TMED2: variants seen among roughly 807,000 people sequenced by gnomAD.
TMED2 encodes transmembrane p24 trafficking protein 2, also known as transmembrane emp24 domain-containing protein 2.
Under a neutral mutation model 17.5 loss-of-function variants are expected in TMED2, and 3 were observed. The observed-to-expected ratio is 0.17, with a 90% CI of 0.08 to 0.44. TMED2 has a LOEUF of 0.44. Among genes scored for constraint, TMED2 ranks in the 20% least tolerant of loss-of-function variants. TMED2 has a pLI of 0.99. For synonymous variants in TMED2, 95 were observed against 91.0 expected (o/e 1.04, Z -0.25); for missense variants, 149 against 254.8 (o/e 0.58, Z 2.83).
At chr12:123,592,989 A>C (rs1192434562) in intron 3 of TMED2, among the ~76,000 whole-genome samples, 5 of 151,980 alleles carry the variant, frequency 3.3e-5, no homozygotes, top group Non-Finnish European at 7.4e-5. Flanking sequence ...GCGAATAACG[A>C]GGTCAGTAGT....
At chr12:123,591,697 A>C (rs1462667520) in intron 3 of TMED2, among the ~76,000 whole-genome samples, 1 of 151,594 alleles carries the variant, frequency 6.6e-6, no homozygotes, top group Non-Finnish European at 1.5e-5. Flanking sequence ...CAGGAGAATC[A>C]CTTGAACCCC....
At chr12:123,586,406 A>G (rs1229272932) in intron 1 of TMED2, 3 of 150,584 alleles carry the variant, frequency 2.0e-5, no homozygotes, top group African/African-American at 7.7e-5. Flanking sequence ...GCTGGAGTGC[A>G]GTGGCACGAT....
At chr12:123,590,983 A>G (rs1446946066) in intron 3 of TMED2, among the ~76,000 whole-genome samples, 1 of 150,964 alleles carries the variant, frequency 6.6e-6, no homozygotes, top group Non-Finnish European at 1.5e-5. Flanking sequence ...ACTCTGTCTC[A>G]GGGAAAAAAA....
At chr12:123,584,904 G>A in intron 1 of TMED2, 88 bp downstream of exon 1, 2 of 1,520,202 alleles carry the variant, frequency 1.3e-6, no homozygotes, top group East Asian at 2.3e-5. Flanking sequence ...GCCTGTGTGG[G>A]GAGTGGGCTT....
intron 3 of TMED2, among the ~76,000 whole-genome samples, chr12:123,596,186 CT>C (rs1363449211): frequency 6.6e-6 from 1 of 152,126 alleles, no homozygotes; most frequent in African/African-American, 2.4e-5. Flanking sequence ...TGCAACCATT[CT>C]GTTTTTTACT....
At chr12:123,596,108 G>T (rs1953429137) in intron 3 of TMED2, among the ~76,000 whole-genome samples, 1 of 152,194 alleles carries the variant, frequency 6.6e-6, no homozygotes, top group African/African-American at 2.4e-5. Flanking sequence ...ACTTCACTTA[G>T]AAATTTTCAG....
intron 2 of TMED2, among the ~76,000 whole-genome samples, chr12:123,587,286 C>G (rs1392097453): frequency 2.6e-5 from 4 of 152,084 alleles, no homozygotes; most frequent in African/African-American, 9.7e-5. Context: ...TGCCACCATG[C>G]CCGGCTAATT....
At chr12:123,587,041 C>T (rs1953353199) in intron 2 of TMED2, 102 bp downstream of exon 2, 2 of 1,142,862 alleles carry the variant, frequency 1.7e-6, no homozygotes, top group Non-Finnish European at 2.3e-6. Flanking sequence ...TTTTAAATTT[C>T]TTAACCAAAA....
rs1230447417 is a variant in TMED2 at position 123,584,631 on chromosome 12, C to T, written c.-6C>T. 3.1e-6 allele frequency: 5 copies of T among 1,609,112 alleles called. No individual in the cohort carries two copies. The highest frequency in any genetic ancestry group is 4.5e-5 in the East Asian group (2 of 44,834). ...TCCGGGTCCTGGCTTCGGCCTCAGC[C>T]CCACCATGGTGACGCTTGCTGAACT... On this transcript the variant is annotated 5_prime_UTR_variant, in exon 1 of 4. Transcript: ENST00000262225.
At chr12:123,585,094 G>A in intron 1 of TMED2, 1 of 401,954 alleles carries the variant, frequency 2.5e-6, no homozygotes, top group Non-Finnish European at 4.6e-6. Flanking sequence ...GTTCCTGTTG[G>A]AACCTCTCGC....
chr12:123,590,197 C>T (rs146936648), intron 2 of TMED2, 145 bp from the exon 3 acceptor site: 9 of 456,618 alleles, frequency 2.0e-5, no homozygotes, highest in African/African-American at 4.2e-5. Context: ...GCAGGAGAAT[C>T]GCTTCAGCCT....
Position 123,596,827 on chromosome 12 carries a change from T to C in TMED2, c.*98T>C. 3 of 1,382,596 alleles carry C rather than the reference T, an allele frequency of 2.2e-6. No homozygotes were observed. Among genetic ancestry groups the C allele is most frequent in the Non-Finnish European group, 2.9e-6 (3 of 1,047,736 alleles). 85.6% of individuals were successfully genotyped at this position (1,382,596 alleles called of 1,614,324 possible). A position where few individuals can be genotyped will look rare whatever the true frequency, so the allele number is the denominator to read the frequency against. ...GTTTCTCCATTTTTATTTTCTGAAC[T>C]GTACATTCACAACTTATGTTTCTTT... is the stretch of plus-strand genomic sequence containing the variant. On this transcript the variant is annotated 3_prime_UTR_variant, in exon 4 of 4. Transcript: ENST00000262225.
At position 123,596,612 on chromosome 12, in the gene TMED2, C is replaced by T; in HGVS notation, c.489C>T (p.Asp163=). ...TTGTTTTGTCCTCAACAGTCAACGA[C>T]AACACAAACAGCAGAGTGGTCCTTT... The part of the protein sequence containing the change: ...VRERIHRAIN[D]NTNSRVVLWS... Residue 163 remains aspartate, a synonymous_variant, in exon 4 of 4, where the codon GAC becomes GAT. Transcript: ENST00000262225. 1 of 1,604,278 alleles carries T rather than the reference C, an allele frequency of 6.2e-7. No individual in the cohort carries two copies. The highest frequency in any genetic ancestry group is 1.3e-5 in the African/African-American group (1 of 74,456).
Position 123,597,847 on chromosome 12 carries a change from C to CTTTTTTTT in TMED2, c.*1127_*1134dup, listed in dbSNP as rs33927197. On this transcript the variant is annotated 3_prime_UTR_variant, in exon 4 of 4. Coordinates refer to ENST00000262225, the MANE Select transcript of TMED2 (RefSeq NM_006815.4). ...GACTGATACATATTAGTTACTTGTG[C>CTTTTTTTT]TTTTTTTTTTTTTTTTGGATCTTTG... is the stretch of plus-strand genomic sequence containing the variant. The CTTTTTTTT allele has an allele frequency of 1.4e-5, 2 of 138,442 alleles. No individual in the cohort carries two copies. Among genetic ancestry groups the CTTTTTTTT allele is most frequent in the Admixed American group, 7.2e-5 (1 of 13,952 alleles). The allele number at this position is 138,442 out of a possible 1,614,324, so 8.6% of individuals were successfully genotyped here. A position where few individuals can be genotyped will look rare whatever the true frequency, so the allele number is the denominator to read the frequency against.
chr12:123,594,530 G>T (rs1953416138), intron 3 of TMED2, among the ~76,000 whole-genome samples: 1 of 152,186 alleles, frequency 6.6e-6, no homozygotes, highest in Non-Finnish European at 1.5e-5. Flanking sequence ...GCCTGAGGCA[G>T]GAGGATTGTT....
intron 3 of TMED2, among the ~76,000 whole-genome samples, chr12:123,593,262 T>C (rs796098852): frequency 6.3e-5 from 7 of 110,364 alleles, no homozygotes; most frequent in African/African-American, 2.7e-4. Context: ...GTTTTTGTTG[T>C]TTTTTTTTTA....
At chr12:123,585,849 G>A (rs1886335709) in intron 1 of TMED2, 1 of 152,170 alleles carries the variant, frequency 6.6e-6, no homozygotes, top group South Asian at 2.1e-4. Flanking sequence ...TAAGCCTTCA[G>A]GCATCTCAGA....
rs575810832 is a variant in TMED2, at chr12:123,584,735, C to T, written c.99C>T (p.Phe33=). The change falls in exon 1 of 4, where the codon TTC becomes TTT. Residue 33 remains phenylalanine, a synonymous_variant. Transcript: ENST00000262225. ...VSIDAHAEEC[F]FERVTSGTKM... is the part of the protein sequence containing the mutation. Reference sequence around the variant, plus strand: ...TCGACGCCCATGCTGAAGAGTGCTTCTTTGAGCGGGTCACCTCGGGCACCA... The same window carrying T: ...TCGACGCCCATGCTGAAGAGTGCTTTTTTGAGCGGGTCACCTCGGGCACCA... The T allele has an allele frequency of 6.2e-7, 1 of 1,613,866 alleles. No individual in the cohort carries two copies. The highest frequency in any genetic ancestry group is 8.5e-7 in the Non-Finnish European group (1 of 1,179,916).
At chr12:123,592,143 G>A (rs1356396205) in intron 3 of TMED2, among the ~76,000 whole-genome samples, 1 of 152,156 alleles carries the variant, frequency 6.6e-6, no homozygotes, top group Non-Finnish European at 1.5e-5. Context: ...GAGTGGAGTG[G>A]GGCATATTAT....
Sources: allele counts gnomAD v4.1 joint callset (sites outside exome capture counted in the v4.1 genomes callset), GRCh38; gene constraint gnomAD v4.1.1; transcripts MANE v1.5; gene names NCBI Gene and HGNC (gene_info 2026-07-23, HGNC 2026-07-21).